The following POU6F2 variants were observed in gnomAD, a reference collection of about 807,000 sequenced individuals.
POU6F2 encodes the protein POU class 6 homeobox 2, also known as POU domain, class 6, transcription factor 2.
A neutral mutation model predicts 71.3 loss-of-function variants in POU6F2; 31 were observed. The ratio of observed to expected loss-of-function variants is 0.43; its 90% CI spans 0.33 to 0.59. The LOEUF is 0.59. Ranked by LOEUF, POU6F2 falls within the 20% of genes least tolerant of loss-of-function variation. POU6F2 has a pLI of 0.04. For synonymous variants in POU6F2, 347 were observed against 355.7 expected (o/e 0.98, Z 0.27); for missense variants, 783 against 856.8 (o/e 0.91, Z 1.07).
intron 5 of POU6F2, among the ~76,000 whole-genome samples, chr7:39,343,368 A>G (rs185985031): frequency 2.3e-4 from 35 of 152,024 alleles, no homozygotes; most frequent in African/African-American, 8.4e-4. Context: ...AAGCAGAAAC[A>G]TAAATGGAAG....
Position 39,426,726 on chromosome 7 carries a change from C to T in POU6F2, c.1114-6351C>T, listed in dbSNP as rs115814728. Among the ~76,000 whole-genome samples, 297 of 152,328 alleles carry T rather than the reference C, an allele frequency of 1.9e-3. 2 individuals are homozygous for T. Among genetic ancestry groups the T allele is most frequent in the African/African-American group, 6.7e-3 (279 of 41,570 alleles). ...AGCACAATATTTATTCAGCCACTTTCATTATCCTTGAGGTAAGGAGAAAGC... is the reference window on the plus strand; with the variant it reads ...AGCACAATATTTATTCAGCCACTTTTATTATCCTTGAGGTAAGGAGAAAGC... On this transcript the variant is annotated intron_variant, in intron 6 of 9. Coordinates refer to ENST00000518318, the MANE Select transcript of POU6F2 (RefSeq NM_001370959.1).
intron 5 of POU6F2, among the ~76,000 whole-genome samples, chr7:39,383,198 G>A (rs1786866158): frequency 1.3e-5 from 2 of 152,140 alleles, no homozygotes; most frequent in Non-Finnish European, 2.9e-5. Flanking sequence ...TGTACTTTGT[G>A]TGTAACAAAC....
intron 1 of POU6F2, among the ~76,000 whole-genome samples, chr7:39,077,842 A>G (rs1791031086): frequency 6.6e-6 from 1 of 152,216 alleles, no homozygotes; most frequent in African/African-American, 2.4e-5. Flanking sequence ...CAAATAGTAT[A>G]ATTTGCCTAG....
intron 1 of POU6F2, among the ~76,000 whole-genome samples, chr7:38,980,262 T>A (rs1186197071): frequency 2.0e-5 from 3 of 152,188 alleles, no homozygotes; most frequent in African/African-American, 7.2e-5. Context: ...TGCTGAAGGT[T>A]GTAAACATTT....
At chr7:39,207,037 CA>C in intron 3 of POU6F2, among the ~76,000 whole-genome samples, 1 of 152,106 alleles carries the variant, frequency 6.6e-6, no homozygotes, top group East Asian at 1.9e-4. Flanking sequence ...CCACTGATCC[CA>C]ATGAGTTCTT....
intron 1 of POU6F2, among the ~76,000 whole-genome samples, chr7:38,996,034 G>GTTTTTTTT (rs1788725340): frequency 2.0e-4 from 16 of 79,832 alleles, no homozygotes; most frequent in Non-Finnish European, 2.9e-4. Flanking sequence ...AAGGGGCTTG[G>GTTTTTTTT]CTTTTTTTTT....
intron 1 of POU6F2, among the ~76,000 whole-genome samples, chr7:39,070,059 T>TGAGGAA (rs1255275307): frequency 1.1e-4 from 17 of 152,332 alleles, no homozygotes; most frequent in Admixed American, 8.5e-4. Context: ...TGGCCACACG[T>TGAGGAA]GCCCAGGGAG....
intron 5 of POU6F2, among the ~76,000 whole-genome samples, chr7:39,365,660 T>G (rs1490990337): frequency 6.6e-6 from 1 of 152,098 alleles, no homozygotes; most frequent in East Asian, 1.9e-4. Flanking sequence ...ATATCCAGAA[T>G]CTACGATGCA....
intron 3 of POU6F2, among the ~76,000 whole-genome samples, chr7:39,205,949 G>C (rs914114047): frequency 2.0e-5 from 3 of 152,172 alleles, no homozygotes; most frequent in Non-Finnish European, 4.4e-5. Context: ...ATACAAGAAA[G>C]GGGTAAAACA....
In POU6F2 at chr7:39,281,447, TCCCTCCTCCTCCCTC is replaced by T. The variant is rs887220563; in HGVS notation, c.599-58190_599-58176del. Among the ~76,000 whole-genome samples, 3 of 152,218 alleles carry T rather than the reference TCCCTCCTCCTCCCTC, an allele frequency of 2.0e-5. No homozygotes were observed. In the South Asian group the frequency reaches 6.2e-4, roughly 32 times the overall value. ...GTACCTGTTGGCCAGTCTCTCTTTATCCCTCCTCCTCCCTCCCCTTTCCAGCCTCTGGGAACCACT... is the reference window on the plus strand; with the variant it reads ...GTACCTGTTGGCCAGTCTCTCTTTATCCCTTTCCAGCCTCTGGGAACCACT... On this transcript the variant is annotated intron_variant, in intron 4 of 9. Coordinates refer to ENST00000518318, the MANE Select transcript of POU6F2 (RefSeq NM_001370959.1).
chr7:39,075,408 T>C (rs1215534595), intron 1 of POU6F2, among the ~76,000 whole-genome samples: 2 of 152,170 alleles, frequency 1.3e-5, no homozygotes, highest in African/African-American at 2.4e-5. Context: ...GGGGGCAGGA[T>C]GGATTTTTGT....
chr7:39,083,491 C>G (rs1369695086), intron 1 of POU6F2: 1 of 151,922 alleles, frequency 6.6e-6, no homozygotes, highest in Non-Finnish European at 1.5e-5. Context: ...AGCGTTGTTC[C>G]CTTCCCTACC....
At chr7:39,080,553 T>C (rs1791096531) in intron 1 of POU6F2, among the ~76,000 whole-genome samples, 1 of 152,222 alleles carries the variant, frequency 6.6e-6, no homozygotes, top group Non-Finnish European at 1.5e-5. Flanking sequence ...GAATGCAATT[T>C]TTCTATTGAA....
chr7:39,102,976 G>A (rs1791607224), intron 2 of POU6F2, among the ~76,000 whole-genome samples: 1 of 152,176 alleles, frequency 6.6e-6, no homozygotes, highest in Admixed American at 6.5e-5. Context: ...GATATGTGCA[G>A]TCTGTTGTTG....
At chr7:39,447,319 A>G (rs578055184) in intron 7 of POU6F2, among the ~76,000 whole-genome samples, 1 of 152,304 alleles carries the variant, frequency 6.6e-6, no homozygotes, top group South Asian at 2.1e-4. Flanking sequence ...TATCAGTTTG[A>G]ACATACCTCA....
chr7:39,138,380 C>T (rs896703730), intron 2 of POU6F2, among the ~76,000 whole-genome samples: 13 of 152,224 alleles, frequency 8.5e-5, no homozygotes, highest in Non-Finnish European at 1.6e-4. Context: ...CCAGGCCTCA[C>T]AGCAGGAGTA....
chr7:39,311,680 T>G (rs79550579), intron 4 of POU6F2, among the ~76,000 whole-genome samples: 2,947 of 152,152 alleles, frequency 0.019, 40 homozygotes, highest in Non-Finnish European at 0.028. Context: ...GGTATAAACA[T>G]AGAGAGAGAG....
chr7:39,230,576 A>G (rs1474263110), intron 4 of POU6F2, among the ~76,000 whole-genome samples: 1 of 152,198 alleles, frequency 6.6e-6, no homozygotes, highest in Non-Finnish European at 1.5e-5. Flanking sequence ...ATAAAACCAG[A>G]TGAATTGATT....
At chr7:39,139,916 G>A (rs1273249948) in intron 2 of POU6F2, among the ~76,000 whole-genome samples, 1 of 152,166 alleles carries the variant, frequency 6.6e-6, no homozygotes, top group Non-Finnish European at 1.5e-5. Context: ...AGATGATTTG[G>A]ACTAGGGTTG....
Sources: gnomAD v4.1 joint callset for allele counts (sites outside exome capture counted in the v4.1 genomes callset) on GRCh38, gnomAD v4.1.1 for gene constraint, MANE v1.5 for transcripts, NCBI Gene and HGNC (gene_info 2026-07-23, HGNC 2026-07-21) for gene names.